The following SNX29 variants were observed in gnomAD, a reference collection of about 807,000 sequenced individuals.
The protein encoded by SNX29 is sorting nexin 29, also known as sorting nexin-29.
SNX29 carries 78 observed loss-of-function variants against 102.1 expected under a neutral mutation model. The observed-to-expected ratio is 0.76, with a 90% CI of 0.64 to 0.92. The LOEUF (loss-of-function observed/expected upper bound fraction) is 0.92, where lower values mean the gene tolerates loss of function less well. Among genes scored for constraint, SNX29 ranks in the 40% least tolerant of loss-of-function variants. The pLI is 0.00. For missense variants in SNX29, 1,280 were observed against 1,061.7 expected (o/e 1.21, Z -2.86); for synonymous variants, 580 against 414.5 (o/e 1.40, Z -4.85).
intron 14 of SNX29, among the ~76,000 whole-genome samples, chr16:12,210,081 G>T (rs546217171): frequency 8.5e-5 from 13 of 152,174 alleles, no homozygotes; most frequent in African/African-American, 3.1e-4. Context: ...TTTCTTTGGG[G>T]AACCCTCTGT....
chr16:12,568,576 C>T lies in SNX29; in HGVS notation c.2389C>T (p.Arg797Trp), dbSNP rs757599829. Residue 797 changes from arginine (R) to tryptophan (W), a missense_variant, in exon 21 of 21, where the codon CGG becomes TGG. Arg to Trp is a moderately radical substitution (Grantham distance 101, BLOSUM62 -3). Transcript: ENST00000566228. ...AGCTTCCCGCTTCCCCAAACTGTCC[C>T]GGGGTCAGCCCCGGGAGACCCGCAA... ...KAASRFPKLS[R>W]GQPRETRNVE... 26 of 1,607,608 alleles carry T rather than the reference C, an allele frequency of 1.6e-5. No homozygotes were observed. The highest frequency in any genetic ancestry group is 3.3e-5 in the Admixed American group (2 of 60,008).
intron 20 of SNX29, among the ~76,000 whole-genome samples, chr16:12,546,058 G>A (rs1056871142): frequency 2.0e-5 from 3 of 152,174 alleles, no homozygotes; most frequent in Admixed American, 2.0e-4. Flanking sequence ...TGGGAGTGAA[G>A]CAGTCCTGGG....
intron 13 of SNX29, among the ~76,000 whole-genome samples, chr16:12,182,794 T>A (rs147058145): frequency 0.074 from 11,279 of 151,622 alleles, 508 homozygotes; most frequent in East Asian, 0.17. Context: ...ATTAGCCAGG[T>A]GTGGTGGTGG....
intron 14 of SNX29, among the ~76,000 whole-genome samples, chr16:12,273,144 C>G (rs1289391320): frequency 6.6e-6 from 1 of 152,124 alleles, no homozygotes; most frequent in East Asian, 1.9e-4. Context: ...CCTTCAGGCA[C>G]TGTAGGCCGC....
intron 18 of SNX29, among the ~76,000 whole-genome samples, chr16:12,438,008 G>A (rs988733150): frequency 6.6e-6 from 1 of 152,130 alleles, no homozygotes; most frequent in African/African-American, 2.4e-5. Flanking sequence ...CAGAACCTTG[G>A]ACTTGGACTT....
At chr16:12,397,340 G>A (rs2083758856) in intron 16 of SNX29, among the ~76,000 whole-genome samples, 1 of 152,142 alleles carries the variant, frequency 6.6e-6, no homozygotes, top group African/African-American at 2.4e-5. Flanking sequence ...TAGCAGAAAA[G>A]CTTTGAAGTT....
intron 19 of SNX29, among the ~76,000 whole-genome samples, chr16:12,520,519 C>A (rs890969902): frequency 1.3e-5 from 2 of 152,090 alleles, no homozygotes; most frequent in African/African-American, 4.8e-5. Context: ...GGACACAGGG[C>A]AGGGAAATCT....
intron 18 of SNX29, among the ~76,000 whole-genome samples, chr16:12,426,027 A>G (rs1005486171): frequency 6.6e-6 from 1 of 152,166 alleles, no homozygotes; most frequent in East Asian, 1.9e-4. Flanking sequence ...AAATTATTTT[A>G]TAGGAGTACT....
intron 20 of SNX29, chr16:12,526,925 G>A (rs1175512172): frequency 3.6e-5 from 14 of 392,166 alleles, no homozygotes; most frequent in Non-Finnish European, 4.3e-5. Flanking sequence ...CAGTCAGCAC[G>A]GAGAGAGAAA....
At chr16:12,552,676 C>T (rs759617801) in intron 20 of SNX29, among the ~76,000 whole-genome samples, 22 of 152,044 alleles carry the variant, frequency 1.4e-4, no homozygotes, top group Non-Finnish European at 2.6e-4. Flanking sequence ...CCATGCAGGG[C>T]GTTTACAAGG....
rs150634988 is a variant in SNX29, at chr16:12,542,058, C to G, written c.2318+17217C>G. Among the ~76,000 whole-genome samples, 288 of 152,018 alleles carry G rather than the reference C, an allele frequency of 1.9e-3. 1 individual carries two copies. Among genetic ancestry groups the G allele is most frequent in the African/African-American group, 6.3e-3 (262 of 41,512 alleles). On this transcript the variant is annotated intron_variant, in intron 20 of 20. Transcript: ENST00000566228. The stretch of plus-strand genomic sequence containing the variant: ...TTTTAATTAGTTTGGCAAAGATATT[C>G]CTAGTCACCAGTTAGTCCAAATCCT...
intron 15 of SNX29, among the ~76,000 whole-genome samples, chr16:12,354,654 C>T (rs956438217): frequency 1.3e-5 from 2 of 152,242 alleles, no homozygotes; most frequent in East Asian, 1.9e-4. Flanking sequence ...TGGTTTGCTG[C>T]GTGGTGAATG....
chr16:12,303,254 T>C lies in SNX29; in HGVS notation c.1782+25218T>C, dbSNP rs117314758. Among the ~76,000 whole-genome samples the C allele has an allele frequency of 7.6e-3, 1,151 of 152,254 alleles. 12 individuals are homozygous for C. The highest frequency in any genetic ancestry group is 0.012 in the Non-Finnish European group (800 of 68,000). ...ACATAGATGAATTTTAGCCCCACCC[T>C]AGTGAAACACTTGCCCACGAACACC... On this transcript the variant is annotated intron_variant, in intron 15 of 20. Coordinates refer to ENST00000566228, the MANE Select transcript of SNX29 (RefSeq NM_032167.5).
chr16:12,505,423 C>T (rs1190489159), intron 19 of SNX29, among the ~76,000 whole-genome samples: 1 of 152,170 alleles, frequency 6.6e-6, no homozygotes, highest in Non-Finnish European at 1.5e-5. Context: ...AATCAATTGA[C>T]TATAAATGTG....
intron 20 of SNX29, among the ~76,000 whole-genome samples, chr16:12,565,483 C>A (rs1386899377): frequency 6.6e-6 from 1 of 152,184 alleles, no homozygotes; most frequent in Non-Finnish European, 1.5e-5. Context: ...ATCACAGCAC[C>A]CCTGCCTCCA....
intron 13 of SNX29, among the ~76,000 whole-genome samples, chr16:12,166,506 C>T (rs2056030559): frequency 6.6e-6 from 1 of 152,200 alleles, no homozygotes; most frequent in Non-Finnish European, 1.5e-5. Context: ...GGGGCATAGG[C>T]AGCCGAGTCT....
chr16:12,509,912 C>T (rs2089537011), intron 19 of SNX29, among the ~76,000 whole-genome samples: 2 of 152,262 alleles, frequency 1.3e-5, no homozygotes, highest in African/African-American at 4.8e-5. Context: ...GCAGCTGCTC[C>T]AATAGCCTCA....
chr16:12,392,441 G>A (rs1455654310), intron 16 of SNX29, among the ~76,000 whole-genome samples: 1 of 152,098 alleles, frequency 6.6e-6, no homozygotes, highest in African/African-American at 2.4e-5. Context: ...CCCTTTCCCT[G>A]CTCCAGCCAT....
chr16:12,364,821 C>G (rs765975045), intron 16 of SNX29, among the ~76,000 whole-genome samples: 3 of 152,162 alleles, frequency 2.0e-5, no homozygotes, highest in African/African-American at 7.2e-5. Flanking sequence ...GTAAGACTTG[C>G]TGCCTGTGGA....
Sources: gnomAD v4.1 joint callset for allele counts (sites outside exome capture counted in the v4.1 genomes callset) on GRCh38, gnomAD v4.1.1 for gene constraint, MANE v1.5 for transcripts, NCBI Gene and HGNC (gene_info 2026-07-23, HGNC 2026-07-21) for gene names.